The following SORCS3 variants were observed in gnomAD, a reference collection of about 807,000 sequenced individuals.
The protein encoded by SORCS3 is sortilin related VPS10 domain containing receptor 3.
SORCS3 carries 57 observed loss-of-function variants against 146.3 expected under a neutral mutation model. That is an observed-to-expected ratio of 0.39 (90% CI 0.31 to 0.49). The LOEUF (loss-of-function observed/expected upper bound fraction) is 0.49. Among genes scored for constraint, SORCS3 ranks in the 20% least tolerant of loss-of-function variants. The probability of loss-of-function intolerance (pLI) is 0.92; values close to 1 mark genes in which losing one functional copy is unlikely to be tolerated. For synonymous variants in SORCS3, 653 were observed against 618.5 expected (o/e 1.06, Z -0.83); for missense variants, 1,341 against 1,575.5 (o/e 0.85, Z 2.52).
chr10:104,641,475 G>A lies in SORCS3; in HGVS notation c.148G>A (p.Ala50Thr). Residue 50 changes from alanine (A) to threonine (T), a missense_variant, in exon 1 of 27, where the codon GCT becomes ACT. Physicochemically the swap from Ala to Thr is moderately conservative, Grantham distance 58 (BLOSUM62 0). Transcript: ENST00000369701. The surrounding 1 kb of genome is among the most constrained non-coding windows in gnomAD (Gnocchi z 6.4). ...TGGPGRPAAP[A>T]SRPPALSPLS... The stretch of plus-strand genomic sequence containing the variant: ...CGGTCCCGGACGCCCGGCGGCCCCG[G>A]CTTCGCGGCCACCGGCGTTGTCTCC... 6.8e-7 allele frequency: 1 copy of A among 1,467,606 alleles called. No individual in the cohort carries two copies. The highest frequency in any genetic ancestry group is 1.3e-5 in the South Asian group (1 of 76,906). The allele number at this position is 1,467,606 out of a possible 1,614,324, so 90.9% of individuals were successfully genotyped here. A position where few individuals can be genotyped will look rare whatever the true frequency, so the allele number is the denominator to read the frequency against.
chr10:105,249,149 A>G (rs1267951739), intron 22 of SORCS3, among the ~76,000 whole-genome samples: 1 of 152,240 alleles, frequency 6.6e-6, no homozygotes, highest in African/African-American at 2.4e-5. Flanking sequence ...AAATTCTCTG[A>G]TAACAAGAGC....
In SORCS3 at chr10:104,716,240, G is replaced by T. The variant is rs1220860171; in HGVS notation, c.627+74286G>T. On this transcript the variant is annotated intron_variant, in intron 1 of 26. Transcript: ENST00000369701. ...TTATCTTTCCCAAACTAGAATATAA[G>T]ATACACGAGGACAAGGTTTTTGTTT... 2.0e-5 allele frequency among the ~76,000 whole-genome samples: 3 copies of T among 152,032 alleles called. No individual in the cohort carries two copies. In the East Asian group the frequency reaches 5.8e-4, roughly 29 times the overall value.
chr10:104,780,360 G>A (rs2017360559), intron 1 of SORCS3, among the ~76,000 whole-genome samples: 1 of 152,126 alleles, frequency 6.6e-6, no homozygotes, highest in Non-Finnish European at 1.5e-5. Context: ...GAGGAAGGGA[G>A]GTGGAAAGGG....
intron 4 of SORCS3, among the ~76,000 whole-genome samples, chr10:105,039,451 CTTTTTTTTTTTTT>C (rs920662213): frequency 6.2e-5 from 6 of 96,550 alleles, no homozygotes; most frequent in Admixed American, 1.1e-4. Context: ...CTCTCGCTCT[CTTTTTTTTTTTTT>C]TTTTTTTTTT....
chr10:104,928,929 A>G (rs1338482629), intron 3 of SORCS3, among the ~76,000 whole-genome samples: 1 of 152,236 alleles, frequency 6.6e-6, no homozygotes, highest in Non-Finnish European at 1.5e-5. Context: ...GGGCTGTCTT[A>G]TGATGACCAA....
intron 1 of SORCS3, among the ~76,000 whole-genome samples, chr10:104,802,224 A>C (rs985181706): frequency 6.6e-6 from 1 of 152,200 alleles, no homozygotes; most frequent in Non-Finnish European, 1.5e-5. Context: ...GGAGACTGTC[A>C]GGTGATAGGA....
chr10:104,838,160 T>C (rs1455349069), intron 1 of SORCS3, among the ~76,000 whole-genome samples: 1 of 152,210 alleles, frequency 6.6e-6, no homozygotes, highest in Non-Finnish European at 1.5e-5. Flanking sequence ...AGTCCCATTC[T>C]CATTCTGGGG....
At chr10:104,781,896 T>C (rs1197611048) in intron 1 of SORCS3, among the ~76,000 whole-genome samples, 5 of 152,252 alleles carry the variant, frequency 3.3e-5, no homozygotes, top group Admixed American at 1.3e-4. Context: ...TGCCATCATT[T>C]GCTCACTGTG....
At chr10:104,762,123 C>G (rs1382772249) in intron 1 of SORCS3, among the ~76,000 whole-genome samples, 2 of 152,206 alleles carry the variant, frequency 1.3e-5, no homozygotes, top group Non-Finnish European at 2.9e-5. Flanking sequence ...CCTTCATTCT[C>G]CACAGGTCCT....
At chr10:104,862,150 A>G (rs576836576) in intron 2 of SORCS3, among the ~76,000 whole-genome samples, 1 of 152,318 alleles carries the variant, frequency 6.6e-6, no homozygotes, top group African/African-American at 2.4e-5. Flanking sequence ...TCAAGTCATA[A>G]CATTGGGGAA....
At chr10:105,209,916 G>C (rs1302486673) in intron 16 of SORCS3, among the ~76,000 whole-genome samples, 2 of 152,046 alleles carry the variant, frequency 1.3e-5, no homozygotes, top group East Asian at 3.9e-4. Flanking sequence ...GTTTTATTCT[G>C]TTCTTTAGTC....
chr10:104,906,585 C>A (rs868074585), intron 2 of SORCS3, among the ~76,000 whole-genome samples: 1 of 152,128 alleles, frequency 6.6e-6, no homozygotes, highest in Non-Finnish European at 1.5e-5. Flanking sequence ...ATTTAGATTC[C>A]CATTGAGCAG....
intron 3 of SORCS3, among the ~76,000 whole-genome samples, chr10:104,945,482 C>T (rs1483885904): frequency 6.6e-6 from 1 of 151,658 alleles, no homozygotes. Context: ...TGGTCTCGAA[C>T]TCCTGACTTC....
chr10:105,081,847 C>A (rs1275835845), intron 5 of SORCS3, among the ~76,000 whole-genome samples: 2 of 152,032 alleles, frequency 1.3e-5, no homozygotes, highest in Non-Finnish European at 2.9e-5. Flanking sequence ...TAATTGTTAT[C>A]CAATTAATGA....
intron 5 of SORCS3, among the ~76,000 whole-genome samples, chr10:105,073,779 T>G (rs751408803): frequency 3.3e-5 from 5 of 152,078 alleles, no homozygotes; most frequent in African/African-American, 4.8e-5. Context: ...AAAGAATTAC[T>G]CGTGTCACAG....
chr10:105,140,737 G>C (rs1267638278), intron 8 of SORCS3, among the ~76,000 whole-genome samples: 1 of 152,164 alleles, frequency 6.6e-6, no homozygotes, highest in Admixed American at 6.5e-5. Context: ...TTGAGAGACT[G>C]GGTTGCAGAG....
intron 1 of SORCS3, among the ~76,000 whole-genome samples, chr10:104,742,311 C>G (rs1404949597): frequency 2.0e-5 from 3 of 152,138 alleles, no homozygotes; most frequent in African/African-American, 7.2e-5. Context: ...CATTTGTAAT[C>G]CATTTGGTGC....
At chr10:104,924,407 C>T (rs1440435535) in intron 3 of SORCS3, among the ~76,000 whole-genome samples, 2 of 152,186 alleles carry the variant, frequency 1.3e-5, no homozygotes, top group Non-Finnish European at 2.9e-5. Context: ...AAATAGCATT[C>T]CACGTCGGTC....
intron 7 of SORCS3, among the ~76,000 whole-genome samples, chr10:105,105,848 G>T (rs888451446): frequency 6.6e-6 from 1 of 152,140 alleles, no homozygotes; most frequent in Non-Finnish European, 1.5e-5. Flanking sequence ...TACCCAAAGT[G>T]ACTTGTATAA....
Sources: allele counts gnomAD v4.1 joint callset (sites outside exome capture counted in the v4.1 genomes callset), GRCh38; gene constraint gnomAD v4.1.1; non-coding constraint Gnocchi (gnomAD v3.1); transcripts MANE v1.5; gene names NCBI Gene and HGNC (gene_info 2026-07-23, HGNC 2026-07-21).